The following FAM185A variants were observed in gnomAD, a reference collection of about 807,000 sequenced individuals.
FAM185A encodes the protein family with sequence similarity 185 member A, also known as protein FAM185A.
Under a neutral mutation model 45.7 loss-of-function variants are expected in FAM185A, and 21 were observed. That is an observed-to-expected ratio of 0.46 (90% CI 0.33 to 0.66). The LOEUF is 0.66. Ranked by LOEUF, FAM185A falls within the 30% of genes least tolerant of loss-of-function variation. The probability of loss-of-function intolerance (pLI) is 0.03; values close to 1 mark genes in which losing one functional copy is unlikely to be tolerated. For synonymous variants in FAM185A, 117 were observed against 194.0 expected (o/e 0.60, Z 3.30); for missense variants, 305 against 485.4 (o/e 0.63, Z 3.49).
At position 102,749,481 on chromosome 7, in the gene FAM185A, C is replaced by G. The variant is rs1448836797; in HGVS notation, c.274C>G (p.Pro92Ala). The change falls in exon 1 of 8, where the codon CCC becomes GCC. Residue 92 changes from proline to alanine, a missense_variant. By Grantham distance (27) the Pro-to-Ala change is conservative. Around this residue, in one of 5 missense-constraint regions of FAM185A, gnomAD observed 174 missense variants for 247.1 expected, o/e 0.70. Coordinates refer to ENST00000413034, the MANE Select transcript of FAM185A (RefSeq NM_001145268.2). ...PCHLAVRPLDPLTYPDGDRVL... is the reference protein window; with the variant it reads ...PCHLAVRPLDALTYPDGDRVL... Reference sequence around the variant, plus strand: ...CCACCTGGCCGTGAGGCCCCTGGACCCCCTCACCTACCCGGATGGCGACCG... The same window carrying G: ...CCACCTGGCCGTGAGGCCCCTGGACGCCCTCACCTACCCGGATGGCGACCG... 2.6e-6 allele frequency: 4 copies of G among 1,543,708 alleles called. No homozygotes were observed. Among genetic ancestry groups the G allele is most frequent in the African/African-American group, 1.4e-5 (1 of 72,838 alleles).
intron 7 of FAM185A, among the ~76,000 whole-genome samples, chr7:102,788,179 G>A (rs929580231): frequency 2.0e-5 from 3 of 152,096 alleles, no homozygotes; most frequent in Non-Finnish European, 4.4e-5. Context: ...ATGTTGGCCA[G>A]GCTGCTCTCA....
intron 3 of FAM185A, among the ~76,000 whole-genome samples, chr7:102,760,886 A>G (rs1198454331): frequency 6.6e-6 from 1 of 152,276 alleles, no homozygotes; most frequent in Non-Finnish European, 1.5e-5. Flanking sequence ...TAGTGACTTT[A>G]GTGAAGTTGT....
At chr7:102,822,560 ACTTT>A in the FAM185A span, 1 of 420,546 alleles carries the variant, frequency 2.4e-6, no homozygotes, top group Non-Finnish European at 4.7e-6. Flanking sequence ...CAAAGGCCCC[ACTTT>A]CTATTACTGT....
chr7:102,830,729 G>A, the FAM185A span, among the ~76,000 whole-genome samples: 13 of 152,204 alleles, frequency 8.5e-5, no homozygotes, highest in African/African-American at 3.1e-4. Context: ...GGCATCTTGA[G>A]AGTTGGTGTG....
At chr7:102,793,988 C>T (rs1260894722) in intron 7 of FAM185A, among the ~76,000 whole-genome samples, 4 of 139,692 alleles carry the variant, frequency 2.9e-5, no homozygotes, top group Admixed American at 7.7e-5. Flanking sequence ...TGCAGTGAGC[C>T]GAGATCGTGC....
chr7:102,766,702 C>A (rs1022758188), intron 4 of FAM185A, among the ~76,000 whole-genome samples: 1 of 151,850 alleles, frequency 6.6e-6, no homozygotes, highest in African/African-American at 2.4e-5. Flanking sequence ...TTATTCCTAG[C>A]CTAGGTCATT....
chr7:102,845,530 G>T, the FAM185A span, among the ~76,000 whole-genome samples: 19 of 152,220 alleles, frequency 1.2e-4, no homozygotes, highest in South Asian at 4.2e-4. Flanking sequence ...TGAAAGCGGG[G>T]ACACCACCAA....
At chr7:102,761,152 T>C in intron 3 of FAM185A, 121 bp from the exon 4 acceptor site, 1 of 871,086 alleles carries the variant, frequency 1.1e-6, no homozygotes, top group Admixed American at 3.7e-5. Flanking sequence ...TCAGAGTCAA[T>C]AAAGTGATTG....
At chr7:102,831,054 C>T in the FAM185A span, among the ~76,000 whole-genome samples, 1 of 152,080 alleles carries the variant, frequency 6.6e-6, no homozygotes, top group Non-Finnish European at 1.5e-5. Context: ...TGTTGGGAAC[C>T]ACCCCTGTCA....
At chr7:102,754,102 G>A (rs1294675785) in intron 2 of FAM185A, among the ~76,000 whole-genome samples, 7 of 152,266 alleles carry the variant, frequency 4.6e-5, no homozygotes, top group East Asian at 3.9e-4. Context: ...TTTAAGTATC[G>A]TACAATAATA....
intron 1 of FAM185A, among the ~76,000 whole-genome samples, chr7:102,750,906 T>G (rs551271619): frequency 6.6e-6 from 1 of 152,220 alleles, no homozygotes; most frequent in South Asian, 2.1e-4. Context: ...GGGTTTTTTG[T>G]TTGTTTGTTT....
chr7:102,846,571 G>A, the FAM185A span, among the ~76,000 whole-genome samples: 24 of 149,866 alleles, frequency 1.6e-4, no homozygotes, highest in African/African-American at 5.0e-4. Flanking sequence ...AGCCAAGATC[G>A]TGCCACTGCA....
Position 102,808,600 on chromosome 7 carries a change from C to T in FAM185A, c.*198C>T, listed in dbSNP as rs2129444205. On this transcript the variant is annotated 3_prime_UTR_variant, in exon 8 of 8. Coordinates refer to ENST00000413034, the MANE Select transcript of FAM185A (RefSeq NM_001145268.2). Reference sequence around the variant, plus strand: ...TCTACTGCTCTGTAACAAATTACCACAAATTTAGCAGCATAAAATAATACT... The same window carrying T: ...TCTACTGCTCTGTAACAAATTACCATAAATTTAGCAGCATAAAATAATACT... 1.8e-6 allele frequency: 1 copy of T among 548,878 alleles called. No individual in the cohort carries two copies. Among genetic ancestry groups the T allele is most frequent in the East Asian group, 3.1e-5 (1 of 32,610 alleles). 34.0% of individuals were successfully genotyped at this position (548,878 alleles called of 1,614,324 possible).
the FAM185A span, among the ~76,000 whole-genome samples, chr7:102,831,356 A>G: frequency 4.0e-5 from 6 of 151,680 alleles, 1 homozygote; most frequent in Admixed American, 2.0e-4. Context: ...TATAGTGAGT[A>G]GAGGGCAGGC....
the FAM185A span, chr7:102,832,987 C>T: frequency 1.3e-5 from 21 of 1,613,632 alleles, no homozygotes; most frequent in Non-Finnish European, 1.8e-5. Context: ...GCAAAAAATT[C>T]CAAGGTCAAA....
At chr7:102,793,238 G>A (rs1320144481) in intron 7 of FAM185A, among the ~76,000 whole-genome samples, 1 of 151,994 alleles carries the variant, frequency 6.6e-6, no homozygotes, top group African/African-American at 2.4e-5. Flanking sequence ...TTGAGACGGA[G>A]TCTCTCTCTA....
chr7:102,844,986 T>C, the FAM185A span, among the ~76,000 whole-genome samples: 7 of 152,150 alleles, frequency 4.6e-5, no homozygotes, highest in African/African-American at 1.7e-4. Flanking sequence ...AGGTCCTGAG[T>C]GCAGGAACTT....
intron 6 of FAM185A, among the ~76,000 whole-genome samples, chr7:102,779,326 G>T (rs1294920523): frequency 6.6e-6 from 1 of 152,114 alleles, no homozygotes; most frequent in African/African-American, 2.4e-5. Flanking sequence ...CAGTAATGGA[G>T]TTTTGGTAGG....
intron 7 of FAM185A, among the ~76,000 whole-genome samples, chr7:102,802,818 A>C (rs1283756900): frequency 6.6e-6 from 1 of 152,030 alleles, no homozygotes; most frequent in East Asian, 1.9e-4. Context: ...ATTAACCAAG[A>C]AAAAAAAGAG....
Sources: gnomAD v4.1 joint callset for allele counts (sites outside exome capture counted in the v4.1 genomes callset) on GRCh38, gnomAD v4.1.1 for gene constraint, gnomAD v4.1.1 regional missense constraint, MANE v1.5 for transcripts, NCBI Gene and HGNC (gene_info 2026-07-23, HGNC 2026-07-21) for gene names.